Variants in DMD observed in about 807,000 individuals in gnomAD.
DMD encodes mutant dystrophin.
In DMD, 63 loss-of-function variants were observed where a neutral mutation model predicts 330.1. That is an observed-to-expected ratio of 0.19 (90% CI 0.16 to 0.24). DMD has a LOEUF of 0.24. DMD is among the 10% of genes least tolerant of loss of function. The probability of loss-of-function intolerance (pLI) is 1.00; values close to 1 mark genes in which losing one functional copy is unlikely to be tolerated. For synonymous variants in DMD, 1,223 were observed against 959.8 expected (o/e 1.27, Z -5.07); for missense variants, 3,344 against 2,684.1 (o/e 1.25, Z -5.43).
At chrX:32,878,076 T>A (rs1445554927) in intron 2 of DMD, among the ~76,000 whole-genome samples, 2 of 112,435 alleles carry the variant, frequency 1.8e-5, no homozygotes, top group Non-Finnish European at 3.8e-5. Context: ...AGATTTCTAT[T>A]TGAAAATACT....
chrX:32,603,564 T>C (rs1187109488), intron 12 of DMD, among the ~76,000 whole-genome samples: 4 of 110,208 alleles, frequency 3.6e-5, no homozygotes, highest in Admixed American at 9.7e-5. Context: ...ATTAAAAAAA[T>C]TAGAGAGTTT....
At chrX:31,885,611 C>CAAAAAA (rs762289533) in intron 47 of DMD, among the ~76,000 whole-genome samples, 8 of 52,319 alleles carry the variant, frequency 1.5e-4, no homozygotes, top group Admixed American at 3.0e-4. Context: ...CTCCGTCTCA[C>CAAAAAA]AAAAAAAAAA....
chrX:31,177,420 C>A (rs1602402506), intron 71 of DMD, among the ~76,000 whole-genome samples: 1 of 111,260 alleles, frequency 9.0e-6, no homozygotes, highest in Non-Finnish European at 1.9e-5. Flanking sequence ...GATAAACAGT[C>A]CGCACACCTC....
intron 44 of DMD, among the ~76,000 whole-genome samples, chrX:32,138,320 G>T (rs764757964): frequency 1.8e-5 from 2 of 110,113 alleles, no homozygotes; most frequent in Non-Finnish European, 3.8e-5. Flanking sequence ...ATCTTGATTT[G>T]AATCAATAAC....
intron 43 of DMD, among the ~76,000 whole-genome samples, chrX:32,229,979 A>G (rs2147970685): frequency 9.3e-6 from 1 of 107,786 alleles, no homozygotes; most frequent in South Asian, 4.1e-4. Flanking sequence ...AGTCTTTAAC[A>G]CTCCTTTTGT....
intron 11 of DMD, among the ~76,000 whole-genome samples, chrX:32,624,803 G>C (rs1233715146): frequency 8.9e-6 from 1 of 112,011 alleles, no homozygotes; most frequent in African/African-American, 3.2e-5. Flanking sequence ...CCCACCCCCG[G>C]ACATGAAAAC....
chrX:31,711,532 A>AT (rs1280465844), intron 52 of DMD, among the ~76,000 whole-genome samples: 1 of 111,716 alleles, frequency 9.0e-6, no homozygotes, highest in Non-Finnish European at 1.9e-5. Context: ...AAAGTTCACA[A>AT]TGCAAGCCTC....
chrX:31,988,115 A>G (rs1437306333), intron 44 of DMD, among the ~76,000 whole-genome samples: 2 of 111,299 alleles, frequency 1.8e-5, no homozygotes, highest in Non-Finnish European at 3.8e-5. Flanking sequence ...TCGGTTTAGG[A>G]TATTAGCTTG....
chrX:31,569,606 GTATATACGTA>G (rs779167007), intron 55 of DMD, among the ~76,000 whole-genome samples: 3 of 95,362 alleles, frequency 3.1e-5, no homozygotes, highest in East Asian at 3.1e-4. Flanking sequence ...ACACATATAT[GTATATACGTA>G]TATATACGTA....
At chrX:32,551,221 G>C (rs2049520027) in intron 16 of DMD, among the ~76,000 whole-genome samples, 1 of 111,016 alleles carries the variant, frequency 9.0e-6, no homozygotes, top group Non-Finnish European at 1.9e-5. Flanking sequence ...AATGAACATA[G>C]ATGCAAAAAT....
intron 50 of DMD, among the ~76,000 whole-genome samples, chrX:31,807,138 C>G (rs954537952): frequency 7.2e-5 from 8 of 111,362 alleles, no homozygotes; most frequent in African/African-American, 2.6e-4. Flanking sequence ...GATTGAAGTT[C>G]CAGCCCATAT....
chrX:33,069,408 G>A (rs1482442347), intron 1 of DMD, among the ~76,000 whole-genome samples: 1 of 111,685 alleles, frequency 9.0e-6, no homozygotes, highest in African/African-American at 3.2e-5. Context: ...ACAATGAAAT[G>A]ACAAATTCTG....
intron 11 of DMD, among the ~76,000 whole-genome samples, chrX:32,615,170 T>A (rs111761429): frequency 0.14 from 15,219 of 111,011 alleles, 1,349 homozygotes; most frequent in African/African-American, 0.33. Flanking sequence ...ATATTCTCGG[T>A]CTTCAGATCA....
At chrX:32,999,775 C>CAAAAAA (rs71880767) in intron 2 of DMD, among the ~76,000 whole-genome samples, 1 of 37,180 alleles carries the variant, frequency 2.7e-5, no homozygotes, top group African/African-American at 1.1e-4. Flanking sequence ...GACTCCATCT[C>CAAAAAA]AAAAACAAAA....
intron 7 of DMD, among the ~76,000 whole-genome samples, chrX:32,704,769 C>T (rs1161187861): frequency 6.2e-5 from 7 of 112,010 alleles, no homozygotes; most frequent in East Asian, 2.8e-4. Flanking sequence ...AAAGAAGGCA[C>T]TTCTGGTCAT....
intron 2 of DMD, among the ~76,000 whole-genome samples, chrX:32,969,423 CATAG>C (rs1272527160): frequency 1.1e-5 from 1 of 92,538 alleles, no homozygotes; most frequent in Non-Finnish European, 2.0e-5. Flanking sequence ...GTACCACATA[CATAG>C]ATAAAATATG....
At chrX:32,428,020 A>G (rs2098220228) in intron 29 of DMD, among the ~76,000 whole-genome samples, 1 of 111,412 alleles carries the variant, frequency 9.0e-6, no homozygotes, top group Non-Finnish European at 1.9e-5. Flanking sequence ...TAATTAAAAC[A>G]TGAATATGGG....
intron 9 of DMD, among the ~76,000 whole-genome samples, chrX:32,685,539 T>C (rs2062793833): frequency 8.9e-6 from 1 of 112,140 alleles, no homozygotes; most frequent in Admixed American, 9.5e-5. Context: ...CAGAGACACC[T>C]AATAAACATT....
At chrX:32,677,175 T>C (rs1569443860) in intron 9 of DMD, among the ~76,000 whole-genome samples, 2 of 111,296 alleles carry the variant, frequency 1.8e-5, no homozygotes, top group Admixed American at 9.6e-5. Flanking sequence ...TAAGTACATA[T>C]ATAGATGTAT....
Sources: allele counts gnomAD v4.1 joint callset (sites outside exome capture counted in the v4.1 genomes callset), GRCh38; gene constraint gnomAD v4.1.1; transcripts MANE v1.5; gene names NCBI Gene and HGNC (gene_info 2026-07-23, HGNC 2026-07-21).